Variants in GADL1 observed in about 807,000 individuals in gnomAD.
The protein encoded by GADL1 is GAD like acidic amino acid decarboxylase 1, also known as acidic amino acid decarboxylase GADL1.
GADL1 carries 71 observed loss-of-function variants against 69.5 expected under a neutral mutation model. That is an observed-to-expected ratio of 1.02 (90% CI 0.84 to 1.25). The LOEUF is 1.25. Ranked by LOEUF, GADL1 falls within the 50% of genes most tolerant of loss-of-function variation. The pLI is 0.00. For missense variants in GADL1, 737 were observed against 631.8 expected, an observed-to-expected ratio of 1.17 and a Z score of -1.79; for synonymous variants, 254 against 214.4, an observed-to-expected ratio of 1.18 and a Z score of -1.62.
At chr3:30,753,855 C>T (rs1024195387) in intron 14 of GADL1, among the ~76,000 whole-genome samples, 5 of 152,168 alleles carry the variant, frequency 3.3e-5, no homozygotes, top group African/African-American at 9.7e-5. Flanking sequence ...TCTGAGGCTC[C>T]TCACTCAACT....
At chr3:30,825,597 T>C (rs1697667712) in intron 11 of GADL1, among the ~76,000 whole-genome samples, 1 of 151,970 alleles carries the variant, frequency 6.6e-6, no homozygotes, top group Non-Finnish European at 1.5e-5. Context: ...GAATGATTTA[T>C]TCCAAGAACT....
At chr3:30,755,690 GTCC>G (rs1309799739) in intron 14 of GADL1, among the ~76,000 whole-genome samples, 1 of 152,128 alleles carries the variant, frequency 6.6e-6, no homozygotes, top group Non-Finnish European at 1.5e-5. Context: ...AGGTCTGGGA[GTCC>G]TCCTTAGAAT....
At position 30,726,987 on chromosome 3, in the gene GADL1, AC is replaced by A. The variant is rs1695376144; in HGVS notation, c.*1254del. 1 of 152,364 alleles carries A rather than the reference AC, an allele frequency of 6.6e-6. No homozygotes were observed. The highest frequency in any genetic ancestry group is 2.4e-5 in the African/African-American group (1 of 41,326). The allele number at this position is 152,364 out of a possible 1,614,324, so 9.4% of individuals were successfully genotyped here. On this transcript the variant is annotated 3_prime_UTR_variant, in exon 15 of 15. Coordinates refer to ENST00000282538, the MANE Select transcript of GADL1 (RefSeq NM_207359.3). ...AGCTTAGGAAAGGGAATGTTGTACA[AC>A]CCTGGACTTCATTGTGTTTATTCCC...
chr3:30,844,485 TG>T lies in GADL1; in HGVS notation c.652-20del. 6.6e-7 allele frequency: 1 copy of T among 1,510,138 alleles called. No homozygotes were observed. Among genetic ancestry groups the T allele is most frequent in the Non-Finnish European group, 9.2e-7 (1 of 1,085,606 alleles). 93.5% of individuals were successfully genotyped at this position (1,510,138 alleles called of 1,614,324 possible). ...AATGACACTGAATTCAAAGGGACAGTGGGGAAGGGGGAGACATGAAAACATA... is the reference window on the plus strand; with the variant it reads ...AATGACACTGAATTCAAAGGGACAGTGGGAAGGGGGAGACATGAAAACATA... On this transcript the variant is annotated intron_variant, in intron 6 of 14. Coordinates refer to ENST00000282538, the MANE Select transcript of GADL1 (RefSeq NM_207359.3).
rs138183098 is a variant in GADL1 at position 30,827,571 on chromosome 3, T to C, written c.1050+6282A>G. ...AAATAGATAATGGATTCTGAACACA[T>C]GAGGCTCTAACATTATTATCCCTTT... is the stretch of plus-strand genomic sequence containing the variant. On this transcript the variant is annotated intron_variant, in intron 11 of 14. Transcript: ENST00000282538. 9.9e-5 allele frequency among the ~76,000 whole-genome samples: 15 copies of C among 151,984 alleles called. No individual in the cohort carries two copies. In the East Asian group the frequency reaches 2.9e-3, roughly 30 times the overall value.
chr3:30,758,035 T>C (rs1181721187), intron 14 of GADL1, among the ~76,000 whole-genome samples: 1 of 152,212 alleles, frequency 6.6e-6, no homozygotes, highest in African/African-American at 2.4e-5. Flanking sequence ...ACTAATTTTA[T>C]AGACGAAACT....
intron 14 of GADL1, among the ~76,000 whole-genome samples, chr3:30,755,370 C>T (rs1172700878): frequency 1.0e-5 from 1 of 100,158 alleles, no homozygotes; most frequent in East Asian, 3.5e-4. Flanking sequence ...GATACTATTA[C>T]TAAAAAACTT....
intron 11 of GADL1, among the ~76,000 whole-genome samples, chr3:30,803,436 G>A (rs1245264436): frequency 6.6e-6 from 1 of 151,828 alleles, no homozygotes; most frequent in African/African-American, 2.4e-5. Context: ...TAAATTTACT[G>A]TCACCAACCA....
intron 9 of GADL1, among the ~76,000 whole-genome samples, chr3:30,836,461 C>T: frequency 6.6e-6 from 1 of 151,488 alleles, no homozygotes; most frequent in Non-Finnish European, 1.5e-5. Context: ...TAATTCCTAA[C>T]TCCAGAAACT....
intron 14 of GADL1, among the ~76,000 whole-genome samples, chr3:30,754,759 G>A (rs1398073924): frequency 6.6e-6 from 1 of 152,046 alleles, no homozygotes; most frequent in Non-Finnish European, 1.5e-5. Flanking sequence ...ATGTTTAACA[G>A]AGATAAACTG....
chr3:30,832,709 G>A (rs981887255), intron 11 of GADL1, among the ~76,000 whole-genome samples: 1 of 151,940 alleles, frequency 6.6e-6, no homozygotes, highest in African/African-American at 2.4e-5. Flanking sequence ...AGTTGATTAC[G>A]TTCTTTGGTT....
intron 13 of GADL1, chr3:30,778,572 T>G (rs1696590902): frequency 4.3e-6 from 1 of 231,356 alleles, no homozygotes; most frequent in Non-Finnish European, 8.6e-6. Context: ...CCTGCTTACA[T>G]ACATGCTCAG....
rs962073958 is a variant in GADL1 at position 30,728,199 on chromosome 3, C to T, written c.*43G>A. On this transcript the variant is annotated 3_prime_UTR_variant, in exon 15 of 15. Transcript: ENST00000282538. ...CTCCAAGATGTTCTGGATCTAAACT[C>T]TCCCAGGATAGGATCTATGCCTCTG... 1.3e-6 allele frequency: 2 copies of T among 1,549,242 alleles called. No individual in the cohort carries two copies. Among genetic ancestry groups the T allele is most frequent in the Non-Finnish European group, 1.8e-6 (2 of 1,122,648 alleles).
chr3:30,856,582 T>C (rs911021575), intron 3 of GADL1, among the ~76,000 whole-genome samples: 2 of 152,100 alleles, frequency 1.3e-5, no homozygotes, highest in African/African-American at 4.8e-5. Flanking sequence ...GTCTTCCAAA[T>C]AAATCATTTC....
chr3:30,885,583 A>G (rs1191074021), intron 1 of GADL1, among the ~76,000 whole-genome samples: 1 of 151,992 alleles, frequency 6.6e-6, no homozygotes, highest in Non-Finnish European at 1.5e-5. Context: ...TATCAACCCA[A>G]TCACCCACAA....
chr3:30,789,782 G>A (rs559099702), intron 12 of GADL1, among the ~76,000 whole-genome samples: 1 of 152,238 alleles, frequency 6.6e-6, no homozygotes, highest in Admixed American at 6.5e-5. Flanking sequence ...ACCTCTGCTA[G>A]CTTCCAACTT....
intron 11 of GADL1, among the ~76,000 whole-genome samples, chr3:30,815,852 C>A (rs758897804): frequency 2.0e-5 from 3 of 152,170 alleles, no homozygotes; most frequent in Admixed American, 6.5e-5. Context: ...TTTAGGCACA[C>A]ATAAGCTGTG....
chr3:30,846,414 C>T (rs1698058839), intron 6 of GADL1, among the ~76,000 whole-genome samples: 1 of 152,154 alleles, frequency 6.6e-6, no homozygotes, highest in South Asian at 2.1e-4. Context: ...TACTTTCTGG[C>T]TCCCACAAGG....
chr3:30,814,959 GTCTCATTTAAAAAAAAAAAAAAATTTT>G (rs1411428588), intron 11 of GADL1, among the ~76,000 whole-genome samples: 27 of 146,512 alleles, frequency 1.8e-4, no homozygotes, highest in Admixed American at 4.8e-4. Context: ...GCCAGACTCT[GTCTCATTTAAAAAAAAAAAAAAATTTT>G]TTTCATTAAG....
Sources: gnomAD v4.1 joint callset for allele counts (sites outside exome capture counted in the v4.1 genomes callset) on GRCh38, gnomAD v4.1.1 for gene constraint, MANE v1.5 for transcripts, NCBI Gene and HGNC (gene_info 2026-07-23, HGNC 2026-07-21) for gene names.